The following GRIA1 variants were observed in gnomAD, a reference collection of about 807,000 sequenced individuals.
The protein encoded by GRIA1 is glutamate receptor 1.
GRIA1 carries 31 observed loss-of-function variants against 99.2 expected under a neutral mutation model. That is an observed-to-expected ratio of 0.31 (90% CI 0.23 to 0.42). The LOEUF (loss-of-function observed/expected upper bound fraction) is 0.42. GRIA1 is among the 10% of genes least tolerant of loss of function. The pLI is 1.00. For missense variants in GRIA1, 782 were observed against 1,157.5 expected, an observed-to-expected ratio of 0.68 and a Z score of 4.71; for synonymous variants, 438 against 432.4, an observed-to-expected ratio of 1.01 and a Z score of -0.16.
At chr5:153,530,340 A>T (rs1272904706) in intron 2 of GRIA1, among the ~76,000 whole-genome samples, 1 of 152,214 alleles carries the variant, frequency 6.6e-6, no homozygotes, top group African/African-American at 2.4e-5. Flanking sequence ...GTAACTATCA[A>T]TGGAAGATGA....
intron 11 of GRIA1, among the ~76,000 whole-genome samples, chr5:153,763,151 C>T (rs1763293911): frequency 1.3e-5 from 2 of 152,048 alleles, no homozygotes; most frequent in African/African-American, 4.8e-5. Context: ...TGGAGTAAAC[C>T]CTGTCTGCCT....
intron 2 of GRIA1, among the ~76,000 whole-genome samples, chr5:153,563,879 G>A (rs1264625568): frequency 3.3e-5 from 5 of 152,188 alleles, no homozygotes; most frequent in African/African-American, 7.2e-5. Flanking sequence ...AGTCTACTAT[G>A]AGTAGTATTG....
In GRIA1 at chr5:153,696,183, C is replaced by T. The variant is rs143654672; in HGVS notation, c.1135-1861C>T. 2.1e-3 allele frequency among the ~76,000 whole-genome samples: 324 copies of T among 152,298 alleles called. 2 individuals are homozygous for T. Among genetic ancestry groups the T allele is most frequent in the African/African-American group, 7.6e-3 (317 of 41,564 alleles). On this transcript the variant is annotated intron_variant, in intron 8 of 15. Coordinates refer to ENST00000285900, the MANE Select transcript of GRIA1 (RefSeq NM_000827.4). ...CTTGGGAAAGTTACTTCACTTTCCA[C>T]GTCTCGCTTTCTGCATACTTAAAAT...
chr5:153,533,108 G>T (rs989264939), intron 2 of GRIA1, among the ~76,000 whole-genome samples: 1 of 152,114 alleles, frequency 6.6e-6, no homozygotes, highest in African/African-American at 2.4e-5. Context: ...CTCTTTGAAA[G>T]GTTTCACAGA....
chr5:153,655,251 C>T (rs745331014), intron 4 of GRIA1, among the ~76,000 whole-genome samples: 8 of 152,072 alleles, frequency 5.3e-5, no homozygotes, highest in African/African-American at 1.2e-4. Flanking sequence ...CTAACTGATT[C>T]GGGGAGGAAG....
rs138593849 is a variant in GRIA1, at chr5:153,672,913, T to C, written c.700-1587T>C. Among the ~76,000 whole-genome samples the C allele has an allele frequency of 5.9e-5, 9 of 152,338 alleles. No homozygotes were observed. The South Asian group carries it at 6.2e-4, about 11-fold the overall frequency. ...GGGCAGTTTTCCAAGATACGATCAATGGCATATGAGTGGAAGATCTGCATG... is the reference window on the plus strand; with the variant it reads ...GGGCAGTTTTCCAAGATACGATCAACGGCATATGAGTGGAAGATCTGCATG... On this transcript the variant is annotated intron_variant, in intron 5 of 15. Coordinates refer to ENST00000285900, the MANE Select transcript of GRIA1 (RefSeq NM_000827.4).
intron 2 of GRIA1, among the ~76,000 whole-genome samples, chr5:153,551,132 C>T (rs1048972884): frequency 4.6e-5 from 7 of 151,852 alleles, no homozygotes; most frequent in African/African-American, 7.3e-5. Context: ...GTGTCTAGAC[C>T]CTTAATAGAC....
intron 5 of GRIA1, among the ~76,000 whole-genome samples, chr5:153,671,365 A>G (rs1388727025): frequency 6.6e-6 from 1 of 152,224 alleles, no homozygotes; most frequent in Non-Finnish European, 1.5e-5. Context: ...TACTTTATGA[A>G]CATGTTCTTT....
chr5:153,626,430 C>CTGTG (rs1354402633), intron 2 of GRIA1, among the ~76,000 whole-genome samples: 47 of 132,896 alleles, frequency 3.5e-4, no homozygotes, highest in Non-Finnish European at 4.8e-4. Flanking sequence ...AATCTAGTCT[C>CTGTG]TGTGTGTGTG....
intron 11 of GRIA1, among the ~76,000 whole-genome samples, chr5:153,708,262 C>T (rs535264049): frequency 2.0e-4 from 31 of 152,242 alleles, no homozygotes; most frequent in African/African-American, 7.0e-4. Flanking sequence ...AACAGGTCCG[C>T]GCATTCACGG....
chr5:153,561,047 C>A (rs1761080771), intron 2 of GRIA1, among the ~76,000 whole-genome samples: 1 of 152,120 alleles, frequency 6.6e-6, no homozygotes, highest in South Asian at 2.1e-4. Flanking sequence ...CAGGTTTCTT[C>A]ATGATACATG....
chr5:153,627,659 G>A (rs1767764602), intron 2 of GRIA1, among the ~76,000 whole-genome samples: 1 of 152,214 alleles, frequency 6.6e-6, no homozygotes, highest in South Asian at 2.1e-4. Flanking sequence ...GAGGACAGCA[G>A]CGAGGAGAGT....
intron 2 of GRIA1, among the ~76,000 whole-genome samples, chr5:153,550,198 T>C (rs937021502): frequency 6.6e-6 from 1 of 151,962 alleles, no homozygotes; most frequent in Non-Finnish European, 1.5e-5. Flanking sequence ...TGTCAGGTGT[T>C]AGGGGTATAT....
chr5:153,788,968 A>G (rs932494373), intron 13 of GRIA1, among the ~76,000 whole-genome samples: 1 of 152,152 alleles, frequency 6.6e-6, no homozygotes, highest in African/African-American at 2.4e-5. Flanking sequence ...TTTCTTTTCC[A>G]TATTGACTCA....
intron 11 of GRIA1, among the ~76,000 whole-genome samples, chr5:153,733,465 C>T (rs1346988942): frequency 6.6e-6 from 1 of 152,052 alleles, no homozygotes; most frequent in African/African-American, 2.4e-5. Context: ...GACTACAAAA[C>T]AGCCAGAAAC....
intron 11 of GRIA1, among the ~76,000 whole-genome samples, chr5:153,712,620 G>T (rs1489982435): frequency 7.7e-6 from 1 of 129,698 alleles, no homozygotes; most frequent in African/African-American, 3.0e-5. Flanking sequence ...AAGAGAAAGA[G>T]CCTGAGAGTA....
chr5:153,776,078 T>G (rs538851352), intron 13 of GRIA1, among the ~76,000 whole-genome samples: 2 of 152,150 alleles, frequency 1.3e-5, no homozygotes, highest in African/African-American at 4.8e-5. Context: ...GGGAGGGACA[T>G]GATTGGACAG....
intron 15 of GRIA1, among the ~76,000 whole-genome samples, chr5:153,807,653 C>T (rs1015241291): frequency 2.6e-5 from 4 of 152,178 alleles, no homozygotes; most frequent in African/African-American, 9.7e-5. Flanking sequence ...CAGAGAGGGA[C>T]TTCAGGCAGC....
At chr5:153,524,054 G>A (rs951350365) in intron 2 of GRIA1, among the ~76,000 whole-genome samples, 6 of 152,182 alleles carry the variant, frequency 3.9e-5, no homozygotes, top group African/African-American at 1.4e-4. Context: ...AGGGCCAGGC[G>A]CAGTGGCTCA....
Sources: allele counts gnomAD v4.1 joint callset (sites outside exome capture counted in the v4.1 genomes callset), GRCh38; gene constraint gnomAD v4.1.1; transcripts MANE v1.5; gene names NCBI Gene and HGNC (gene_info 2026-07-23, HGNC 2026-07-21).